Variants in MTOR observed in about 807,000 individuals in gnomAD.
The protein encoded by MTOR is serine/threonine-protein kinase mTOR.
MTOR carries 70 observed loss-of-function variants against 319.8 expected under a neutral mutation model. The ratio of observed to expected loss-of-function variants is 0.22; its 90% CI spans 0.18 to 0.27. The LOEUF (loss-of-function observed/expected upper bound fraction) is 0.27, where lower values mean the gene tolerates loss of function less well. Ranked by LOEUF, MTOR falls within the 10% of genes least tolerant of loss-of-function variation. The pLI is 1.00. For missense variants in MTOR, 1,890 were observed against 3,274.4 expected, an observed-to-expected ratio of 0.58 and a Z score of 10.32; for synonymous variants, 1,183 against 1,211.4, an observed-to-expected ratio of 0.98 and a Z score of 0.49.
At chr1:11,158,334 T>A (rs530930432) in intron 29 of MTOR, among the ~76,000 whole-genome samples, 71 of 152,324 alleles carry the variant, frequency 4.7e-4, no homozygotes, top group African/African-American at 1.7e-3. Context: ...GTTTGTGCAG[T>A]ATGTAGACTA....
intron 15 of MTOR, chr1:11,232,845 A>T: frequency 7.7e-6 from 4 of 518,202 alleles, no homozygotes; most frequent in Non-Finnish European, 1.4e-5. Context: ...ACTGCACTCC[A>T]GCCTGGACAA....
At chr1:11,134,507 G>A (rs761502216) in intron 36 of MTOR, 41 bp from the exon 37 acceptor site, 2 of 1,582,454 alleles carry the variant, frequency 1.3e-6, no homozygotes, top group South Asian at 2.2e-5. Context: ...TTGGCTTGTG[G>A]CCCAGCTTCA....
At chr1:11,187,420 T>C (rs1476999166) in intron 28 of MTOR, among the ~76,000 whole-genome samples, 1 of 152,120 alleles carries the variant, frequency 6.6e-6, no homozygotes, top group Non-Finnish European at 1.5e-5. Flanking sequence ...GCAACCTAGA[T>C]CCCTCACATG....
At chr1:11,146,610 A>C (rs1483645738) in intron 32 of MTOR, 66 bp downstream of exon 32, 1 of 1,229,500 alleles carries the variant, frequency 8.1e-7, no homozygotes, top group Non-Finnish European at 1.2e-6. Flanking sequence ...TTACCAAAGC[A>C]CCGTGGGCTT....
At chr1:11,144,456 GTCATTC>G (rs1451740138) in intron 34 of MTOR, 186 bp downstream of exon 34, 12 of 532,268 alleles carry the variant, frequency 2.3e-5, no homozygotes, top group Admixed American at 2.1e-4. Context: ...TGGAAAATTG[GTCATTC>G]TCTCACAGCT....
intron 25 of MTOR, among the ~76,000 whole-genome samples, chr1:11,208,743 CA>C (rs1235121316): frequency 1.3e-5 from 2 of 152,198 alleles, no homozygotes; most frequent in East Asian, 3.8e-4. Flanking sequence ...AAAAGCTGGT[CA>C]TATCTTAGGC....
chr1:11,180,054 A>G (rs113124929), intron 28 of MTOR, among the ~76,000 whole-genome samples: 15,394 of 152,106 alleles, frequency 0.1, 1,335 homozygotes, highest in African/African-American at 0.22. Context: ...TGAGACCACA[A>G]GCGCATGCCA....
chr1:11,238,509 G>T lies in MTOR; in HGVS notation c.1895C>A (p.Pro632His). ...ATGGCCACTGATGAGGTGGATGGAGGGTGTGAGCAGGCGGGAGCAGGTGCG... is the reference window on the plus strand; with the variant it reads ...ATGGCCACTGATGAGGTGGATGGAGTGTGTGAGCAGGCGGGAGCAGGTGCG... ...AARTCSRLLT[P>H]SIHLISGHAH... Residue 632 changes from proline to histidine, a missense_variant, in exon 12 of 58, where the codon CCC becomes CAC. Coordinates refer to ENST00000361445, the MANE Select transcript of MTOR (RefSeq NM_004958.4). 6.2e-7 allele frequency: 1 copy of T among 1,614,182 alleles called. No homozygotes were observed. Among genetic ancestry groups the T allele is most frequent in the Non-Finnish European group, 8.5e-7 (1 of 1,180,040 alleles).
In MTOR at chr1:11,107,453, A is replaced by G. The variant is rs751617078; in HGVS notation, c.*32T>C. ...ATTTACTAAAGTACAAAAGCCTCAG[A>G]AAAAACGTGATGGGCACATCTGGGC... On this transcript the variant is annotated 3_prime_UTR_variant, in exon 58 of 58. Transcript: ENST00000361445. The G allele has an allele frequency of 1.2e-6, 2 of 1,604,460 alleles. No individual in the cohort carries two copies. Among genetic ancestry groups the G allele is most frequent in the Non-Finnish European group, 1.7e-6 (2 of 1,177,726 alleles).
At chr1:11,157,051 G>C in intron 30 of MTOR, 101 bp downstream of exon 30, 1 of 1,420,770 alleles carries the variant, frequency 7.0e-7, no homozygotes, top group South Asian at 1.4e-5. Flanking sequence ...AAATGAGTCT[G>C]AAGTGAGAAC....
At chr1:11,139,756 A>G in intron 34 of MTOR, 98 bp from the exon 35 acceptor site, 1 of 1,484,048 alleles carries the variant, frequency 6.7e-7, no homozygotes, top group Non-Finnish European at 9.1e-7. Context: ...CAGTGGTGCA[A>G]TCTTGGCTCA....
In MTOR at chr1:11,129,028, C is replaced by A. The variant is rs2100419864; in HGVS notation, c.5715-77G>T. ...TGCCTGTTTTTCATCTCTAAGGCTC[C>A]TGAGAAGAGAGCTGGCAGGGACTCC... On this transcript the variant is annotated intron_variant, in intron 40 of 57. Transcript: ENST00000361445. The surrounding 1 kb of genome is among the most constrained non-coding windows in gnomAD (Gnocchi z 4.7). 1 of 1,225,450 alleles carries A rather than the reference C, an allele frequency of 8.2e-7. No individual in the cohort carries two copies. Among genetic ancestry groups the A allele is most frequent in the Non-Finnish European group, 1.2e-6 (1 of 852,020 alleles). The allele number at this position is 1,225,450 out of a possible 1,614,324, so 75.9% of individuals were successfully genotyped here.
intron 19 of MTOR, among the ~76,000 whole-genome samples, chr1:11,227,606 T>C (rs1456744240): frequency 6.6e-6 from 1 of 151,744 alleles, no homozygotes; most frequent in Non-Finnish European, 1.5e-5. Flanking sequence ...AGTAGGGACA[T>C]ATAATCTTAG....
chr1:11,222,258 C>G (rs1047659227), intron 19 of MTOR, among the ~76,000 whole-genome samples: 1 of 151,370 alleles, frequency 6.6e-6, no homozygotes. Flanking sequence ...GTGCAGTGGC[C>G]CAATCTCGGC....
At chr1:11,243,002 C>T in intron 9 of MTOR, 112 bp downstream of exon 9, 1 of 1,081,224 alleles carries the variant, frequency 9.2e-7, no homozygotes, top group Non-Finnish European at 1.4e-6. Flanking sequence ...TTTGCTATAC[C>T]CTGGAGTTTA....
intron 11 of MTOR, among the ~76,000 whole-genome samples, chr1:11,238,819 G>A (rs1362580005): frequency 6.6e-6 from 1 of 150,572 alleles, no homozygotes; most frequent in Admixed American, 6.6e-5. Context: ...CTGGAGTGCA[G>A]TGGCGCAATC....
intron 54 of MTOR, chr1:11,111,126 T>C: frequency 2.2e-6 from 1 of 455,954 alleles, no homozygotes; most frequent in South Asian, 1.5e-5. Flanking sequence ...TATCCCAATT[T>C]CTTGCCTGAA....
At chr1:11,240,690 G>C (rs1647889497) in intron 10 of MTOR, 143 bp from the exon 11 acceptor site, 2 of 1,124,852 alleles carry the variant, frequency 1.8e-6, no homozygotes, top group Admixed American at 3.0e-5. Context: ...AAGAATAAAA[G>C]TGTAAACTCT....
chr1:11,226,928 C>T lies in MTOR; in HGVS notation c.3030+1740G>A, dbSNP rs1007151282. 1.6e-4 allele frequency among the ~76,000 whole-genome samples: 21 copies of T among 134,562 alleles called. No homozygotes were observed. In the East Asian group the frequency reaches 2.7e-3, roughly 17 times the overall value. 88.3% of individuals were successfully genotyped at this position (134,562 alleles called of 152,430 possible). On this transcript the variant is annotated intron_variant, in intron 19 of 57. Transcript: ENST00000361445. ...AATTTTTCTTCCCCCCACCCCCGCCCCCGCCCCCGCCCACCAGACTATATA... is the reference window on the plus strand; with the variant it reads ...AATTTTTCTTCCCCCCACCCCCGCCTCCGCCCCCGCCCACCAGACTATATA...
Sources: gnomAD v4.1 joint callset for allele counts (sites outside exome capture counted in the v4.1 genomes callset) on GRCh38, gnomAD v4.1.1 for gene constraint, Gnocchi (gnomAD v3.1) non-coding constraint, MANE v1.5 for transcripts, NCBI Gene and HGNC (gene_info 2026-07-23, HGNC 2026-07-21) for gene names.